ST6GALNAC3: variants seen among roughly 807,000 people sequenced by gnomAD.
ST6GALNAC3 encodes ST6 N-acetylgalactosaminide alpha-2,6-sialyltransferase 3, also known as alpha-N-acetylgalactosaminide alpha-2,6-sialyltransferase 3.
ST6GALNAC3 carries 25 observed loss-of-function variants against 32.7 expected under a neutral mutation model. The ratio of observed to expected loss-of-function variants is 0.76; its 90% CI spans 0.56 to 1.07. The LOEUF (loss-of-function observed/expected upper bound fraction) is 1.07, where lower values mean the gene tolerates loss of function less well. Among genes scored for constraint, ST6GALNAC3 ranks in the 50% least tolerant of loss-of-function variants. The pLI is 0.00. For synonymous variants in ST6GALNAC3, 129 were observed against 133.1 expected (o/e 0.97, Z 0.21); for missense variants, 355 against 382.4 (o/e 0.93, Z 0.60).
At chr1:76,361,021 A>T (rs1276273249) in intron 2 of ST6GALNAC3, among the ~76,000 whole-genome samples, 1 of 152,304 alleles carries the variant, frequency 6.6e-6, no homozygotes, top group Middle Eastern at 3.4e-3. Context: ...GTGATGAATT[A>T]AATGTAAATA....
chr1:76,269,456 T>G (rs773159214), intron 1 of ST6GALNAC3, among the ~76,000 whole-genome samples: 2 of 152,114 alleles, frequency 1.3e-5, no homozygotes, highest in African/African-American at 4.8e-5. Flanking sequence ...AATTTTCAGA[T>G]TTTTCAAGAG....
chr1:76,379,441 CA>C (rs1651529964), intron 2 of ST6GALNAC3, among the ~76,000 whole-genome samples: 3 of 152,126 alleles, frequency 2.0e-5, no homozygotes, highest in Admixed American at 1.3e-4. Context: ...AATATTAATA[CA>C]AAGGGCAGTT....
Position 76,129,064 on chromosome 1 carries a change from A to T in ST6GALNAC3, c.18+54180A>T, listed in dbSNP as rs79781207. Among the ~76,000 whole-genome samples, 1,001 of 152,242 alleles carry T rather than the reference A, an allele frequency of 6.6e-3. 21 individuals are homozygous for T. Among genetic ancestry groups the T allele is most frequent in the African/African-American group, 0.023 (953 of 41,548 alleles). ...CAAACCTCTCTGCCCTGATCATCCA[A>T]TCGAGGCAGTGAGGTTATGGCTTGT... On this transcript the variant is annotated intron_variant, in intron 1 of 4. Transcript: ENST00000328299.
chr1:76,414,232 T>C (rs1483917530), intron 3 of ST6GALNAC3, among the ~76,000 whole-genome samples: 5 of 152,126 alleles, frequency 3.3e-5, no homozygotes, highest in Non-Finnish European at 7.4e-5. Context: ...CAAGGTATCA[T>C]TCGATTGGTA....
At position 76,225,525 on chromosome 1, in the gene ST6GALNAC3, C is replaced by T. The variant is rs370146939; in HGVS notation, c.19-88280C>T. Among the ~76,000 whole-genome samples the T allele has an allele frequency of 5.3e-5, 8 of 152,276 alleles. No homozygotes were observed. In the East Asian group the frequency reaches 1.5e-3, roughly 29 times the overall value. ...GAAAGAACTCCCTGCCCCAACCCCA[C>T]CAACCCAATAGCATTTAAGGCCACC... On this transcript the variant is annotated intron_variant, in intron 1 of 4. Transcript: ENST00000328299.
intron 1 of ST6GALNAC3, among the ~76,000 whole-genome samples, chr1:76,144,579 G>T (rs1481502312): frequency 6.6e-6 from 1 of 152,192 alleles, no homozygotes; most frequent in African/African-American, 2.4e-5. Flanking sequence ...AACACGGAAG[G>T]ATTCCCCCTG....
intron 3 of ST6GALNAC3, among the ~76,000 whole-genome samples, chr1:76,484,860 G>C (rs1179155675): frequency 7.9e-5 from 12 of 152,110 alleles, no homozygotes. Flanking sequence ...CTGTGGGTTT[G>C]TCATAAATAG....
At chr1:76,528,319 T>C (rs1056725980) in intron 3 of ST6GALNAC3, among the ~76,000 whole-genome samples, 1 of 152,148 alleles carries the variant, frequency 6.6e-6, no homozygotes, top group Non-Finnish European at 1.5e-5. Flanking sequence ...AAACTGACAC[T>C]GACACTCAGA....
At chr1:76,370,207 A>C (rs1650709186) in intron 2 of ST6GALNAC3, among the ~76,000 whole-genome samples, 1 of 152,174 alleles carries the variant, frequency 6.6e-6, no homozygotes, top group Non-Finnish European at 1.5e-5. Flanking sequence ...CGTGTTGCAA[A>C]TAAAAATTAG....
chr1:76,463,726 A>G (rs977673440), intron 3 of ST6GALNAC3, among the ~76,000 whole-genome samples: 1 of 152,114 alleles, frequency 6.6e-6, no homozygotes, highest in Non-Finnish European at 1.5e-5. Flanking sequence ...GTCTACGGGT[A>G]GACTGAAGAT....
chr1:76,218,912 A>G (rs1402917455), intron 1 of ST6GALNAC3, among the ~76,000 whole-genome samples: 3 of 152,228 alleles, frequency 2.0e-5, no homozygotes, highest in Non-Finnish European at 4.4e-5. Flanking sequence ...GTTATTTACC[A>G]TATCAGGCAC....
intron 2 of ST6GALNAC3, among the ~76,000 whole-genome samples, chr1:76,354,750 A>G (rs942699): frequency 6.6e-6 from 1 of 151,942 alleles, no homozygotes; most frequent in Admixed American, 6.5e-5. Context: ...AACTTCTAAG[A>G]GTGTTGGTTT....
At chr1:76,488,577 C>T (rs1410685680) in intron 3 of ST6GALNAC3, among the ~76,000 whole-genome samples, 4 of 152,192 alleles carry the variant, frequency 2.6e-5, no homozygotes, top group East Asian at 1.9e-4. Flanking sequence ...CCAGAGCCAA[C>T]ACTTAATACA....
intron 1 of ST6GALNAC3, among the ~76,000 whole-genome samples, chr1:76,220,867 A>C (rs997663169): frequency 6.6e-6 from 1 of 152,208 alleles, no homozygotes; most frequent in Admixed American, 6.5e-5. Context: ...TGCACTTTCA[A>C]AAAACATTGC....
intron 1 of ST6GALNAC3, among the ~76,000 whole-genome samples, chr1:76,270,375 C>T (rs1302198410): frequency 2.0e-5 from 3 of 151,894 alleles, no homozygotes; most frequent in African/African-American, 7.3e-5. Flanking sequence ...GGCATGGTGG[C>T]AGGTGCCTGT....
intron 1 of ST6GALNAC3, among the ~76,000 whole-genome samples, chr1:76,174,493 A>G (rs1652721170): frequency 6.6e-6 from 1 of 151,730 alleles, no homozygotes; most frequent in Non-Finnish European, 1.5e-5. Flanking sequence ...ATTTTCGTGA[A>G]TTCTTTCCAA....
intron 3 of ST6GALNAC3, among the ~76,000 whole-genome samples, chr1:76,436,191 G>T (rs2101475746): frequency 6.6e-6 from 1 of 152,216 alleles, no homozygotes; most frequent in South Asian, 2.1e-4. Context: ...GTCTGTGTGT[G>T]TCAGTTTGCA....
intron 1 of ST6GALNAC3, among the ~76,000 whole-genome samples, chr1:76,078,429 C>T (rs919385442): frequency 2.6e-5 from 4 of 152,148 alleles, no homozygotes; most frequent in Non-Finnish European, 5.9e-5. Context: ...GTTCTCGTAA[C>T]AGAACGATGA....
chr1:76,484,578 C>G (rs1659968893), intron 3 of ST6GALNAC3, among the ~76,000 whole-genome samples: 1 of 152,154 alleles, frequency 6.6e-6, no homozygotes. Context: ...ATTTTGTATC[C>G]TGAGACTTTG....
Sources: gnomAD v4.1 joint callset for allele counts (sites outside exome capture counted in the v4.1 genomes callset) on GRCh38, gnomAD v4.1.1 for gene constraint, MANE v1.5 for transcripts, NCBI Gene and HGNC (gene_info 2026-07-23, HGNC 2026-07-21) for gene names.